The following SLC39A11 variants were observed in gnomAD, a reference collection of about 807,000 sequenced individuals.
SLC39A11 encodes solute carrier family 39 member 11, also known as zinc transporter ZIP11.
SLC39A11 carries 33 observed loss-of-function variants against 36.1 expected under a neutral mutation model. The ratio of observed to expected loss-of-function variants is 0.91; its 90% CI spans 0.69 to 1.22. The LOEUF (loss-of-function observed/expected upper bound fraction) is 1.22. SLC39A11 is among the 50% of genes most tolerant of loss of function. The pLI is 0.00. For synonymous variants in SLC39A11, 166 were observed against 170.3 expected (o/e 0.97, Z 0.20); for missense variants, 432 against 430.3 (o/e 1.00, Z -0.03).
At chr17:72,809,097 A>G (rs907490360) in intron 6 of SLC39A11, among the ~76,000 whole-genome samples, 1 of 152,160 alleles carries the variant, frequency 6.6e-6, no homozygotes, top group African/African-American at 2.4e-5. Context: ...TTTCTCTAAG[A>G]TCCTGCAGCA....
At chr17:72,965,546 C>T (rs887739567) in intron 4 of SLC39A11, among the ~76,000 whole-genome samples, 5 of 152,224 alleles carry the variant, frequency 3.3e-5, no homozygotes, top group African/African-American at 9.6e-5. Flanking sequence ...TTTTGCCCAA[C>T]TGCAGGCTAA....
chr17:72,707,843 C>T (rs898313175), intron 7 of SLC39A11, among the ~76,000 whole-genome samples: 2 of 152,224 alleles, frequency 1.3e-5, no homozygotes, highest in Admixed American at 6.5e-5. Context: ...ATCCATTCTT[C>T]TCAAGCATGG....
At position 72,938,133 on chromosome 17, in the gene SLC39A11, T is replaced by G. The variant is rs571285551; in HGVS notation, c.430+9619A>C. ...TAATTTTCAGATATGCAGAGCTATTTTCTTTCTCTGGACTCAGGAGGGAAA... is the reference window on the plus strand; with the variant it reads ...TAATTTTCAGATATGCAGAGCTATTGTCTTTCTCTGGACTCAGGAGGGAAA... On this transcript the variant is annotated intron_variant, in intron 5 of 9. Transcript: ENST00000255559. 1.5e-4 allele frequency among the ~76,000 whole-genome samples: 23 copies of G among 152,314 alleles called. No individual in the cohort carries two copies. In the East Asian group the frequency reaches 3.9e-3, roughly 26 times the overall value.
chr17:72,877,423 C>A (rs2146482721), intron 5 of SLC39A11, among the ~76,000 whole-genome samples: 1 of 152,278 alleles, frequency 6.6e-6, no homozygotes, highest in Admixed American at 6.5e-5. Context: ...GCAATTAGAA[C>A]CTCAAACACA....
chr17:72,715,237 C>T (rs567772045), intron 7 of SLC39A11, among the ~76,000 whole-genome samples: 1 of 152,236 alleles, frequency 6.6e-6, no homozygotes, highest in Non-Finnish European at 1.5e-5. Flanking sequence ...TGCACCATGA[C>T]TAAGTTCTTC....
At chr17:72,694,383 C>T (rs922789629) in intron 7 of SLC39A11, among the ~76,000 whole-genome samples, 3 of 152,242 alleles carry the variant, frequency 2.0e-5, no homozygotes, top group Non-Finnish European at 2.9e-5. Flanking sequence ...CCTCCCCGAG[C>T]CCTGGTACCC....
intron 6 of SLC39A11, among the ~76,000 whole-genome samples, chr17:72,748,545 T>C (rs1294045331): frequency 2.0e-5 from 3 of 152,164 alleles, no homozygotes; most frequent in Non-Finnish European, 4.4e-5. Context: ...GCTGCCGACT[T>C]AGAGTTGAGC....
At chr17:72,743,208 T>C (rs2074786455) in intron 6 of SLC39A11, among the ~76,000 whole-genome samples, 1 of 152,012 alleles carries the variant, frequency 6.6e-6, no homozygotes, top group African/African-American at 2.4e-5. Context: ...GGGCTAGAGC[T>C]GGGCCGTAAA....
intron 6 of SLC39A11, among the ~76,000 whole-genome samples, chr17:72,840,413 C>T (rs1034856656): frequency 1.3e-5 from 2 of 152,228 alleles, no homozygotes; most frequent in African/African-American, 4.8e-5. Flanking sequence ...AATGTATCAT[C>T]AGGACCCACA....
intron 7 of SLC39A11, among the ~76,000 whole-genome samples, chr17:72,694,193 G>A (rs2072176615): frequency 6.6e-6 from 1 of 152,102 alleles, no homozygotes; most frequent in Non-Finnish European, 1.5e-5. Context: ...CCTCTCTCAT[G>A]CTGGCTCTGC....
intron 5 of SLC39A11, among the ~76,000 whole-genome samples, chr17:72,893,609 G>A (rs979739398): frequency 2.0e-5 from 3 of 152,046 alleles, no homozygotes; most frequent in South Asian, 2.1e-4. Context: ...TGCTCTTCCC[G>A]AGTCTGCAGG....
At chr17:73,022,483 T>C (rs1310796965) in intron 4 of SLC39A11, among the ~76,000 whole-genome samples, 1 of 149,052 alleles carries the variant, frequency 6.7e-6, no homozygotes, top group Admixed American at 6.8e-5. Context: ...TAATACCAGC[T>C]ACCCAGGAGG....
At chr17:72,927,862 C>A (rs2084143822) in intron 5 of SLC39A11, among the ~76,000 whole-genome samples, 1 of 151,970 alleles carries the variant, frequency 6.6e-6, no homozygotes, top group South Asian at 2.1e-4. Flanking sequence ...GGAAAGCCCA[C>A]ATTCAACAGT....
intron 6 of SLC39A11, among the ~76,000 whole-genome samples, chr17:72,751,523 A>G (rs1301392100): frequency 1.3e-5 from 2 of 152,194 alleles, no homozygotes; most frequent in East Asian, 3.9e-4. Flanking sequence ...GTGTACATTC[A>G]TTGGCATTAA....
At chr17:73,090,977 T>C (rs2060905459) in intron 1 of SLC39A11, among the ~76,000 whole-genome samples, 1 of 152,060 alleles carries the variant, frequency 6.6e-6, no homozygotes, top group Non-Finnish European at 1.5e-5. Context: ...GCTACAAGGG[T>C]GGTCAGAGAA....
chr17:73,072,757 C>T (rs535342637), intron 3 of SLC39A11, among the ~76,000 whole-genome samples: 1 of 152,276 alleles, frequency 6.6e-6, no homozygotes, highest in African/African-American at 2.4e-5. Flanking sequence ...AGTGCCAGGC[C>T]AACAGTCAGG....
At chr17:73,015,722 A>G (rs2090765629) in intron 4 of SLC39A11, among the ~76,000 whole-genome samples, 1 of 152,166 alleles carries the variant, frequency 6.6e-6, no homozygotes, top group African/African-American at 2.4e-5. Flanking sequence ...AGCTGGGATT[A>G]CAGATGCGCA....
chr17:73,057,892 G>A lies in SLC39A11; in HGVS notation c.148-26178C>T, dbSNP rs563443444. Among the ~76,000 whole-genome samples, 28 of 152,272 alleles carry A rather than the reference G, an allele frequency of 1.8e-4. No homozygotes were observed. In the South Asian group the frequency reaches 2.1e-3, roughly 11 times the overall value. ...ATGGAGGTTGCAGTGAGCCAAGATC[G>A]TGCCACTGCACTCCAGCCTGGGGGA... On this transcript the variant is annotated intron_variant, in intron 3 of 9. Transcript: ENST00000255559.
chr17:72,925,856 G>T (rs1011883332), intron 5 of SLC39A11, among the ~76,000 whole-genome samples: 1 of 152,244 alleles, frequency 6.6e-6, no homozygotes, highest in African/African-American at 2.4e-5. Flanking sequence ...AGAAAACAAT[G>T]TGACAGAGAT....
Sources: gnomAD v4.1 joint callset for allele counts (sites outside exome capture counted in the v4.1 genomes callset) on GRCh38, gnomAD v4.1.1 for gene constraint, MANE v1.5 for transcripts, NCBI Gene and HGNC (gene_info 2026-07-23, HGNC 2026-07-21) for gene names.